Variants in RILPL1 observed in about 807,000 individuals in gnomAD.
RILPL1 encodes the protein RILP-like protein 1.
Under a neutral mutation model 50.3 loss-of-function variants are expected in RILPL1, and 33 were observed. The ratio of observed to expected loss-of-function variants is 0.66; its 90% CI spans 0.50 to 0.88. The LOEUF is 0.88. RILPL1 is among the 40% of genes least tolerant of loss of function. The pLI is 0.00. For synonymous variants in RILPL1, 205 were observed against 228.6 expected, an observed-to-expected ratio of 0.90 and a Z score of 0.93; for missense variants, 418 against 542.5, an observed-to-expected ratio of 0.77 and a Z score of 2.28.
At chr12:123,518,911 G>A (rs1205858106) in intron 2 of RILPL1, among the ~76,000 whole-genome samples, 2 of 151,900 alleles carry the variant, frequency 1.3e-5, no homozygotes, top group African/African-American at 4.8e-5. Context: ...ACATAAATTA[G>A]CTGAGCGTGG....
At chr12:123,487,366 G>A (rs1027024919) in intron 4 of RILPL1, among the ~76,000 whole-genome samples, 3 of 151,902 alleles carry the variant, frequency 2.0e-5, no homozygotes, top group South Asian at 2.1e-4. Context: ...GCAATGGCAC[G>A]ATCTCAGCTC....
At position 123,517,759 on chromosome 12, in the gene RILPL1, A is replaced by G. The variant is rs1884792510; in HGVS notation, c.460+5736T>C. On this transcript the variant is annotated intron_variant, in intron 2 of 6. Transcript: ENST00000376874. ...GCTCAACGTATCCAATTCGGTAGCC[A>G]CCAGCAGCCACTGAGCACTTGAAAT... 2.6e-5 allele frequency among the ~76,000 whole-genome samples: 4 copies of G among 152,144 alleles called. No homozygotes were observed. The South Asian group carries it at 8.3e-4, about 31-fold the overall frequency.
At position 123,470,082 on chromosome 12, in the gene RILPL1, C is replaced by T. The variant is rs1297944955; in HGVS notation, c.*2456G>A. On this transcript the variant is annotated 3_prime_UTR_variant, in exon 7 of 7. Transcript: ENST00000376874. ...GCTTTTTGTTCTTGATTTTATTTTA[C>T]ATAATTGCATGTATAAACTTTCTGA... 6.6e-6 allele frequency: 1 copy of T among 152,118 alleles called. No homozygotes were observed. Among genetic ancestry groups the T allele is most frequent in the Non-Finnish European group, 1.5e-5 (1 of 68,030 alleles). 9.4% of individuals were successfully genotyped at this position (152,118 alleles called of 1,614,324 possible). A position where few individuals can be genotyped will look rare whatever the true frequency, so the allele number is the denominator to read the frequency against.
rs1244191104 is a variant in RILPL1, at chr12:123,498,684, C to A, written c.661G>T (p.Ala221Ser). 6.2e-7 allele frequency: 1 copy of A among 1,613,714 alleles called. No homozygotes were observed. Among genetic ancestry groups the A allele is most frequent in the Non-Finnish European group, 8.5e-7 (1 of 1,179,870 alleles). The change falls in exon 4 of 7, where the codon GCC (alanine) becomes TCC (serine). Residue 221 changes from alanine to serine, a missense_variant. Physicochemically the swap from Ala to Ser is moderately conservative, Grantham distance 99. Coordinates refer to ENST00000376874, the MANE Select transcript of RILPL1 (RefSeq NM_178314.5). The surrounding 1 kb of genome is among the most constrained non-coding windows in gnomAD (Gnocchi z 4.3). ...RVTVVEAQGK[A>S]LIEQKVELEA... ...AGCTCCACCTTCTGTTCGATCAGGG[C>A]TTTCCCCTGGGCCTCCACCACCGTG... is the stretch of plus-strand genomic sequence containing the variant.
At chr12:123,520,330 G>A (rs938185854) in intron 2 of RILPL1, among the ~76,000 whole-genome samples, 10 of 152,224 alleles carry the variant, frequency 6.6e-5, no homozygotes, top group Admixed American at 1.3e-4. Context: ...AGGCCAAGGT[G>A]GGCAGATCAC....
At chr12:123,504,948 T>C (rs1883640139) in intron 2 of RILPL1, among the ~76,000 whole-genome samples, 1 of 152,208 alleles carries the variant, frequency 6.6e-6, no homozygotes, top group African/African-American at 2.4e-5. Context: ...AGTCCCCACT[T>C]TCTCCCAGAC....
Position 123,470,906 on chromosome 12 carries a change from T to C in RILPL1, c.*1632A>G, listed in dbSNP as rs977768269. The C allele has an allele frequency of 6.6e-6, 1 of 152,186 alleles. No homozygotes were observed. Among genetic ancestry groups the C allele is most frequent in the African/African-American group, 2.4e-5 (1 of 41,458 alleles). The allele number at this position is 152,186 out of a possible 1,614,324, so 9.4% of individuals were successfully genotyped here. ...AGAAATTCATCAGTATACCTGCTTC[T>C]ATACTCTTTGAGAATAAATTCTAAT... On this transcript the variant is annotated 3_prime_UTR_variant, in exon 7 of 7. Transcript: ENST00000376874.
chr12:123,496,912 C>G (rs547256504), intron 4 of RILPL1, among the ~76,000 whole-genome samples: 1 of 152,358 alleles, frequency 6.6e-6, no homozygotes, highest in South Asian at 2.1e-4. Flanking sequence ...CCATCGTCCC[C>G]AAAGGGAACT....
intron 2 of RILPL1, among the ~76,000 whole-genome samples, chr12:123,520,481 C>T (rs1884959828): frequency 6.6e-6 from 1 of 152,134 alleles, no homozygotes; most frequent in South Asian, 2.1e-4. Context: ...ATCACTTGAA[C>T]CTGGGAGGTG....
chr12:123,518,839 A>G (rs1470423451), intron 2 of RILPL1, among the ~76,000 whole-genome samples: 7 of 152,016 alleles, frequency 4.6e-5, no homozygotes, highest in Admixed American at 1.3e-4. Flanking sequence ...CAGGCGGATC[A>G]TGAGGTCAGG....
chr12:123,484,916 C>G lies in RILPL1; in HGVS notation c.975-644G>C, dbSNP rs940767813. 15 of 273,790 alleles carry G rather than the reference C, an allele frequency of 5.5e-5. No homozygotes were observed. In the East Asian group the frequency reaches 1.1e-3, roughly 21 times the overall value. The allele number at this position is 273,790 out of a possible 1,614,324, so 17.0% of individuals were successfully genotyped here. ...TCAAGTGATCCGCCTGCCTCGGCCT[C>G]GCAAAGTGCTGGGATGACAGGCATG... On this transcript the variant is annotated intron_variant, in intron 5 of 6. Coordinates refer to ENST00000376874, the MANE Select transcript of RILPL1 (RefSeq NM_178314.5).
intron 2 of RILPL1, among the ~76,000 whole-genome samples, chr12:123,521,658 T>C (rs1292276410): frequency 1.1e-4 from 2 of 18,196 alleles, no homozygotes; most frequent in African/African-American, 2.8e-4. Context: ...TATACACATA[T>C]ATGTATATAT....
intron 2 of RILPL1, among the ~76,000 whole-genome samples, chr12:123,521,848 C>T (rs1215940613): frequency 6.6e-6 from 1 of 151,628 alleles, no homozygotes. Context: ...TCTCAGCTCA[C>T]TGCAACCTCC....
At chr12:123,474,724 C>T (rs1881475846) in intron 6 of RILPL1, 1 of 152,176 alleles carries the variant, frequency 6.6e-6, no homozygotes, top group South Asian at 2.1e-4. Flanking sequence ...TAAGAGATAT[C>T]ATATAATAGC....
chr12:123,503,028 C>T (rs1325004104), intron 2 of RILPL1, among the ~76,000 whole-genome samples: 2 of 151,470 alleles, frequency 1.3e-5, no homozygotes, highest in Admixed American at 1.3e-4. Flanking sequence ...GCTGGGACTA[C>T]AGGTCCCCGC....
intron 6 of RILPL1, chr12:123,472,931 G>A (rs1047960262): frequency 1.1e-5 from 5 of 452,206 alleles, no homozygotes; most frequent in African/African-American, 9.8e-5. Flanking sequence ...GATGTGATGT[G>A]TGAGGTGTCT....
At chr12:123,529,119 A>T (rs1378226525) in intron 1 of RILPL1, among the ~76,000 whole-genome samples, 5 of 152,144 alleles carry the variant, frequency 3.3e-5, no homozygotes. Flanking sequence ...TCTTCTGCCT[A>T]GAATGCCTCT....
chr12:123,514,128 G>C (rs1884552311), intron 2 of RILPL1: 1 of 152,266 alleles, frequency 6.6e-6, no homozygotes. Flanking sequence ...GGACAATTCA[G>C]CCATAACGAG....
chr12:123,491,780 G>A lies in RILPL1; in HGVS notation c.802-5975C>T, dbSNP rs141825181. On this transcript the variant is annotated intron_variant, in intron 4 of 6. Coordinates refer to ENST00000376874, the MANE Select transcript of RILPL1 (RefSeq NM_178314.5). The surrounding 1 kb of genome is among the most constrained non-coding windows in gnomAD (Gnocchi z 4.0). ...ATCCCAGCAGGAGGCCGAAGCAGGC[G>A]GATCATTTGAGGTCAAGAGTTCGAG... 3.9e-3 allele frequency among the ~76,000 whole-genome samples: 597 copies of A among 152,152 alleles called. 4 individuals carry two copies. The highest frequency in any genetic ancestry group is 0.014 in the African/African-American group (578 of 41,496).
Sources: gnomAD v4.1 joint callset for allele counts (sites outside exome capture counted in the v4.1 genomes callset) on GRCh38, gnomAD v4.1.1 for gene constraint, Gnocchi (gnomAD v3.1) non-coding constraint, MANE v1.5 for transcripts, NCBI Gene and HGNC (gene_info 2026-07-23, HGNC 2026-07-21) for gene names.